The following EGFLAM variants were observed in gnomAD, a reference collection of about 807,000 sequenced individuals.
EGFLAM encodes EGF like, fibronectin type III and laminin G domains, also known as pikachurin.
A neutral mutation model predicts 113.1 loss-of-function variants in EGFLAM; 79 were observed. The ratio of observed to expected loss-of-function variants is 0.70; its 90% CI spans 0.58 to 0.84. The LOEUF is 0.84. Ranked by LOEUF, EGFLAM falls within the 40% of genes least tolerant of loss-of-function variation. EGFLAM has a pLI of 0.00. For missense variants in EGFLAM, 1,265 were observed against 1,291.6 expected, an observed-to-expected ratio of 0.98 and a Z score of 0.32; for synonymous variants, 504 against 487.6, an observed-to-expected ratio of 1.03 and a Z score of -0.44.
intron 1 of EGFLAM, among the ~76,000 whole-genome samples, chr5:38,286,967 T>G (rs1455542203): frequency 6.6e-6 from 1 of 152,192 alleles, no homozygotes; most frequent in Non-Finnish European, 1.5e-5. Flanking sequence ...GACTGATATA[T>G]TAAATGGTAT....
At chr5:38,268,156 T>C (rs1194620190) in intron 1 of EGFLAM, among the ~76,000 whole-genome samples, 1 of 152,204 alleles carries the variant, frequency 6.6e-6, no homozygotes, top group East Asian at 1.9e-4. Flanking sequence ...AGCAGTTGCT[T>C]GTATTAATTA....
At chr5:38,284,838 A>G (rs944284107) in intron 1 of EGFLAM, among the ~76,000 whole-genome samples, 2 of 152,234 alleles carry the variant, frequency 1.3e-5, no homozygotes, top group Non-Finnish European at 2.9e-5. Context: ...GACATCACCA[A>G]ATAAACTCTC....
chr5:38,351,234 G>A (rs145534472), intron 4 of EGFLAM, among the ~76,000 whole-genome samples: 2,821 of 151,342 alleles, frequency 0.019, 95 homozygotes, highest in African/African-American at 0.066. Flanking sequence ...TCAGCCTCCC[G>A]AGTAGCTGGA....
At chr5:38,417,149 T>G (rs750280052) in intron 11 of EGFLAM, among the ~76,000 whole-genome samples, 2 of 151,944 alleles carry the variant, frequency 1.3e-5, no homozygotes, top group Non-Finnish European at 2.9e-5. Context: ...GTCAGGAGTT[T>G]GAGACCAGCC....
At chr5:38,412,405 C>G in intron 10 of EGFLAM, 99 bp from the exon 11 acceptor site, 2 of 1,569,374 alleles carry the variant, frequency 1.3e-6, no homozygotes, top group Non-Finnish European at 1.7e-6. Context: ...CAGACTGACT[C>G]TGAAGGGAGC....
At chr5:38,336,364 G>C (rs1739183251) in intron 1 of EGFLAM, among the ~76,000 whole-genome samples, 1 of 152,136 alleles carries the variant, frequency 6.6e-6, no homozygotes, top group African/African-American at 2.4e-5. Context: ...ACAAGGTCAG[G>C]AGATCGAGAC....
At chr5:38,372,625 A>G (rs1362328425) in intron 6 of EGFLAM, among the ~76,000 whole-genome samples, 1 of 152,204 alleles carries the variant, frequency 6.6e-6, no homozygotes, top group Non-Finnish European at 1.5e-5. Context: ...GTGAAGTAAA[A>G]TTTTAAAATT....
In EGFLAM at chr5:38,358,463, A is replaced by AAAAG. The variant is rs1554049830; in HGVS notation, c.545+6135_545+6136insGAAA. Among the ~76,000 whole-genome samples, 366 of 151,456 alleles carry AAAAG rather than the reference A, an allele frequency of 2.4e-3. 13 individuals are homozygous for AAAAG. The East Asian group carries it at 0.059, about 24-fold the overall frequency. ...CTCCGTCTCAAAAAAAAAAAAAAAA[A>AAAAG]AAAAAGATTAACCTGAAAAATTGTG... On this transcript the variant is annotated intron_variant, in intron 5 of 21. Transcript: ENST00000322350.
chr5:38,446,878 C>T (rs11738724), intron 17 of EGFLAM, among the ~76,000 whole-genome samples: 15,643 of 152,012 alleles, frequency 0.1, 870 homozygotes, highest in Non-Finnish European at 0.12. Flanking sequence ...TTAATCTGTA[C>T]GAATTTTCAT....
chr5:38,427,436 C>G, intron 14 of EGFLAM, 184 bp downstream of exon 14: 1 of 919,820 alleles, frequency 1.1e-6, no homozygotes, highest in African/African-American at 1.7e-5. Context: ...AGAGAGTGCT[C>G]TCCTGCCCAC....
At chr5:38,404,636 T>G (rs1341942514) in intron 6 of EGFLAM, among the ~76,000 whole-genome samples, 1 of 152,230 alleles carries the variant, frequency 6.6e-6, no homozygotes, top group Non-Finnish European at 1.5e-5. Flanking sequence ...ATGCTTTTTA[T>G]GTTATTTTTC....
intron 5 of EGFLAM, among the ~76,000 whole-genome samples, chr5:38,358,357 G>T (rs563277205): frequency 2.6e-4 from 37 of 139,730 alleles, no homozygotes; most frequent in Non-Finnish European, 5.0e-4. Context: ...TGAGGCAGAA[G>T]AATTGTGTGA....
chr5:38,403,043 A>G (rs1257174491), intron 6 of EGFLAM, among the ~76,000 whole-genome samples: 1 of 152,236 alleles, frequency 6.6e-6, no homozygotes, highest in Non-Finnish European at 1.5e-5. Context: ...GTGCTGTATA[A>G]TTCTTTTACT....
chr5:38,361,021 A>ATTT (rs35274664), intron 5 of EGFLAM, among the ~76,000 whole-genome samples: 14 of 138,200 alleles, frequency 1.0e-4, no homozygotes, highest in Non-Finnish European at 1.6e-4. Flanking sequence ...CGCCCAGCTA[A>ATTT]TTTTTTTTTT....
chr5:38,455,810 C>T (rs1215513940), intron 19 of EGFLAM, among the ~76,000 whole-genome samples: 2 of 152,090 alleles, frequency 1.3e-5, no homozygotes, highest in Admixed American at 6.5e-5. Context: ...GGAGAGTTGT[C>T]GGGCTGCAGA....
Position 38,407,035 on chromosome 5 carries a change from C to A in EGFLAM, c.1036C>A (p.Pro346Thr), listed in dbSNP as rs988577224. ...VAIMSRLFDMPCDETLCSADS... is the reference protein window; with the variant it reads ...VAIMSRLFDMTCDETLCSADS... ...CATAATGTCAAGGCTCTTTGACATG[C>A]CTTGTGATGAAACTCTCTGCTCTGC... The change falls in exon 8 of 22, where the codon CCT becomes ACT. Residue 346 changes from proline to threonine, a missense_variant. By Grantham distance (38) the Pro-to-Thr change is conservative (BLOSUM62 -1). Coordinates refer to ENST00000322350, the MANE Select transcript of EGFLAM (RefSeq NM_152403.4). The A allele has an allele frequency of 6.2e-7, 1 of 1,614,028 alleles. No individual in the cohort carries two copies. Among genetic ancestry groups the A allele is most frequent in the African/African-American group, 1.3e-5 (1 of 74,904 alleles).
intron 15 of EGFLAM, 113 bp downstream of exon 15, chr5:38,431,401 G>C: frequency 5.9e-6 from 6 of 1,023,484 alleles, no homozygotes; most frequent in South Asian, 1.7e-5. Context: ...GGACTTCAGT[G>C]CCTGTGTGGA....
At position 38,283,751 on chromosome 5, in the gene EGFLAM, G is replaced by A. The variant is rs140555320; in HGVS notation, c.97+24900G>A. Among the ~76,000 whole-genome samples, 198 of 152,334 alleles carry A rather than the reference G, an allele frequency of 1.3e-3. 1 individual carries two copies. The highest frequency in any genetic ancestry group is 4.4e-3 in the African/African-American group (181 of 41,574). ...TGGGATAGGCAGAAGAAACACGTAT[G>A]TAGTGGAGTTTCTGTTTTCATTAAG... is the stretch of plus-strand genomic sequence containing the variant. On this transcript the variant is annotated intron_variant, in intron 1 of 21. Coordinates refer to ENST00000322350, the MANE Select transcript of EGFLAM (RefSeq NM_152403.4).
intron 1 of EGFLAM, among the ~76,000 whole-genome samples, chr5:38,266,926 TA>T (rs1398730550): frequency 2.0e-5 from 3 of 152,136 alleles, no homozygotes; most frequent in African/African-American, 7.2e-5. Context: ...CATGGAAAAA[TA>T]GACCGGGCTC....
Sources: allele counts gnomAD v4.1 joint callset (sites outside exome capture counted in the v4.1 genomes callset), GRCh38; gene constraint gnomAD v4.1.1; transcripts MANE v1.5; gene names NCBI Gene and HGNC (gene_info 2026-07-23, HGNC 2026-07-21).